The following POM121C variants were observed in gnomAD, a reference collection of about 807,000 sequenced individuals.
POM121C encodes nuclear envelope pore membrane protein POM 121C.
Under a neutral mutation model 66.4 loss-of-function variants are expected in POM121C, and 20 were observed. That is an observed-to-expected ratio of 0.30 (90% CI 0.21 to 0.44). The LOEUF (loss-of-function observed/expected upper bound fraction) is 0.44, where lower values mean the gene tolerates loss of function less well. POM121C is among the 20% of genes least tolerant of loss of function. The pLI is 1.00. For synonymous variants in POM121C, 286 were observed against 528.0 expected (o/e 0.54, Z 6.28); for missense variants, 580 against 1,225.7 (o/e 0.47, Z 7.87).
chr7:75,428,064 T>C (rs781902440), intron 7 of POM121C, among the ~76,000 whole-genome samples: 1 of 151,980 alleles, frequency 6.6e-6, no homozygotes, highest in Non-Finnish European at 1.5e-5. Flanking sequence ...ATTGAATATA[T>C]AAGCGGCATT....
chr7:75,457,503 A>G (rs1185942475), intron 3 of POM121C, among the ~76,000 whole-genome samples: 1 of 143,684 alleles, frequency 7.0e-6, no homozygotes, highest in Non-Finnish European at 1.5e-5. Flanking sequence ...ACAGCCTGAA[A>G]AAAGCTGCAC....
chr7:75,485,390 C>A (rs587646898), intron 1 of POM121C, among the ~76,000 whole-genome samples: 2 of 152,088 alleles, frequency 1.3e-5, no homozygotes, highest in African/African-American at 4.8e-5. Flanking sequence ...CCCACAAAGC[C>A]GGTGACCTGG....
intron 7 of POM121C, among the ~76,000 whole-genome samples, chr7:75,433,457 G>A (rs1266383778): frequency 6.6e-6 from 1 of 151,848 alleles, no homozygotes; most frequent in African/African-American, 2.4e-5. Flanking sequence ...CCGGGTTCAC[G>A]CCATTCTCCT....
intron 3 of POM121C, among the ~76,000 whole-genome samples, chr7:75,467,187 T>G (rs1400272078): frequency 6.6e-6 from 1 of 152,218 alleles, no homozygotes; most frequent in Non-Finnish European, 1.5e-5. Context: ...CCTTCACTCA[T>G]ATGACGACTG....
chr7:75,419,353 G>A lies in POM121C; in HGVS notation c.2833C>T (p.Pro945Ser), dbSNP rs782762895. ...CCAACACCAACAAAGCCTTGGGCGGGTGCTGAAGATGCCCCAAAGGAGAGG... is the reference window on the plus strand; with the variant it reads ...CCAACACCAACAAAGCCTTGGGCGGATGCTGAAGATGCCCCAAAGGAGAGG... ...SSLSFGASSA[P>S]AQGFVGVGPF... Residue 945 changes from proline to serine, a missense_variant, in exon 14 of 15, where the codon CCC becomes TCC. By Grantham distance (74) the Pro-to-Ser change is moderately conservative. Transcript: ENST00000615331. The A allele has an allele frequency of 6.2e-7, 1 of 1,613,620 alleles. No homozygotes were observed. Among genetic ancestry groups the A allele is most frequent in the Non-Finnish European group, 8.5e-7 (1 of 1,179,782 alleles).
chr7:75,473,156 G>A (rs1273709763), intron 3 of POM121C, among the ~76,000 whole-genome samples: 1 of 152,140 alleles, frequency 6.6e-6, no homozygotes, highest in Non-Finnish European at 1.5e-5. Context: ...GAGAAAGAAG[G>A]AAGTGAACTA....
intron 3 of POM121C, among the ~76,000 whole-genome samples, chr7:75,465,953 A>AAATAAAAC (rs1442704874): frequency 1.3e-5 from 2 of 150,712 alleles, no homozygotes; most frequent in Admixed American, 1.3e-4. Context: ...CAATTAAAAA[A>AAATAAAAC]AATAAAACAT....
chr7:75,421,078 A>G (rs587733317), intron 13 of POM121C: 2 of 291,184 alleles, frequency 6.9e-6, no homozygotes, highest in East Asian at 1.0e-4. Flanking sequence ...GGGTTGAAAC[A>G]TTCTTCTGCC....
intron 1 of POM121C, among the ~76,000 whole-genome samples, chr7:75,478,376 A>G (rs1187811052): frequency 3.3e-5 from 5 of 152,074 alleles, no homozygotes; most frequent in African/African-American, 1.2e-4. Flanking sequence ...TTTCCAGGCC[A>G]TGGAGCAGGG....
At chr7:75,436,446 T>A (rs1449850752) in intron 7 of POM121C, among the ~76,000 whole-genome samples, 3 of 152,172 alleles carry the variant, frequency 2.0e-5, no homozygotes, top group African/African-American at 7.2e-5. Flanking sequence ...AAAAGTTTGC[T>A]TATCAAAAAT....
At chr7:75,435,655 G>C (rs781981281) in intron 7 of POM121C, among the ~76,000 whole-genome samples, 14 of 152,266 alleles carry the variant, frequency 9.2e-5, no homozygotes, top group Middle Eastern at 3.4e-3. Context: ...ATGTCCCTAG[G>C]ATTCACAGAG....
intron 3 of POM121C, among the ~76,000 whole-genome samples, chr7:75,468,316 T>TC (rs1303726937): frequency 7.5e-6 from 1 of 133,118 alleles, no homozygotes; most frequent in Non-Finnish European, 1.6e-5. Context: ...ACTCCAGCTT[T>TC]TTTTTTTTTT....
chr7:75,477,420 T>TA (rs1792132852), intron 1 of POM121C, among the ~76,000 whole-genome samples: 1 of 152,008 alleles, frequency 6.6e-6, no homozygotes, highest in East Asian at 1.9e-4. Context: ...CTATCTCTAC[T>TA]AAAAATCCAA....
At chr7:75,454,382 G>C (rs1458933017) in intron 3 of POM121C, among the ~76,000 whole-genome samples, 1 of 152,258 alleles carries the variant, frequency 6.6e-6, no homozygotes, top group Non-Finnish European at 1.5e-5. Context: ...CTGGATTCCA[G>C]AGAGAGGCTG....
chr7:75,477,246 T>C (rs1554479522), intron 1 of POM121C, among the ~76,000 whole-genome samples: 2 of 151,930 alleles, frequency 1.3e-5, no homozygotes, highest in Non-Finnish European at 2.9e-5. Flanking sequence ...GCTCATTATC[T>C]ACAATTAGAG....
chr7:75,460,833 A>G (rs1554476912), intron 3 of POM121C, among the ~76,000 whole-genome samples: 2 of 152,114 alleles, frequency 1.3e-5, no homozygotes, highest in African/African-American at 2.4e-5. Flanking sequence ...GGTGGGTCCA[A>G]TGGGTCTCTG....
chr7:75,439,115 G>A (rs370780686), intron 6 of POM121C, 29 bp downstream of exon 6: 17 of 1,611,828 alleles, frequency 1.1e-5, no homozygotes, highest in African/African-American at 5.3e-5. Flanking sequence ...CAAACAGTTG[G>A]TATTTCATCT....
At chr7:75,483,013 T>C (rs1405286626) in intron 1 of POM121C, among the ~76,000 whole-genome samples, 1 of 152,170 alleles carries the variant, frequency 6.6e-6, no homozygotes, top group African/African-American at 2.4e-5. Context: ...GTTTGTATTG[T>C]TTGCTGTGCA....
chr7:75,454,438 A>T (rs1554476073), intron 3 of POM121C, among the ~76,000 whole-genome samples: 1 of 152,154 alleles, frequency 6.6e-6, no homozygotes, highest in Non-Finnish European at 1.5e-5. Flanking sequence ...ACAGAGGGCA[A>T]GGAGACTGGT....
Sources: gnomAD v4.1 joint callset for allele counts (sites outside exome capture counted in the v4.1 genomes callset) on GRCh38, gnomAD v4.1.1 for gene constraint, MANE v1.5 for transcripts, NCBI Gene and HGNC (gene_info 2026-07-23, HGNC 2026-07-21) for gene names.